SMC1B: variants seen among roughly 807,000 people sequenced by gnomAD.
SMC1B encodes the protein structural maintenance of chromosomes 1B, also known as structural maintenance of chromosomes protein 1B.
In SMC1B, 60 loss-of-function variants were observed where a neutral mutation model predicts 157.9. The ratio of observed to expected loss-of-function variants is 0.38; its 90% CI spans 0.31 to 0.47. SMC1B has a LOEUF of 0.47. SMC1B is among the 20% of genes least tolerant of loss of function. The pLI is 0.99. For missense variants in SMC1B, 1,165 were observed against 1,426.2 expected, an observed-to-expected ratio of 0.82 and a Z score of 2.95; for synonymous variants, 445 against 483.0, an observed-to-expected ratio of 0.92 and a Z score of 1.03.
chr22:45,347,305 G>T (rs1304917819), intron 23 of SMC1B, among the ~76,000 whole-genome samples: 2 of 152,208 alleles, frequency 1.3e-5, no homozygotes, highest in Non-Finnish European at 2.9e-5. Context: ...GGGGTATGGA[G>T]TTGATGTGAT....
chr22:45,379,723 C>CTT (rs136583), intron 12 of SMC1B, among the ~76,000 whole-genome samples: 32,536 of 91,290 alleles, frequency 0.36, 7,240 homozygotes, highest in African/African-American at 0.58. Context: ...TTTCTTTTTA[C>CTT]TTTTTTTTTT....
intron 12 of SMC1B, among the ~76,000 whole-genome samples, chr22:45,379,517 C>G (rs1602071796): frequency 6.6e-6 from 1 of 151,954 alleles, no homozygotes; most frequent in African/African-American, 2.4e-5. Context: ...ACTCTAGTCC[C>G]TCCTGTCCCC....
chr22:45,367,074 CT>C (rs2146787640), intron 15 of SMC1B, among the ~76,000 whole-genome samples: 2 of 152,226 alleles, frequency 1.3e-5, no homozygotes, highest in African/African-American at 4.8e-5. Flanking sequence ...ATTTTAAGTT[CT>C]TGATCAGAGA....
At chr22:45,384,769 T>G (rs1476034618) in intron 11 of SMC1B, among the ~76,000 whole-genome samples, 4 of 151,894 alleles carry the variant, frequency 2.6e-5, no homozygotes, top group Non-Finnish European at 4.4e-5. Flanking sequence ...TCTTAGAAAT[T>G]TTATGGTTTT....
Position 45,384,317 on chromosome 22 carries a change from A to G in SMC1B, c.1912-704T>C, listed in dbSNP as rs2086969035. ...TCCCCAGTTTGCCATTTTTCTTTTG[A>G]TTTTTCTTATGGTAGTCTTTGCCAT... On this transcript the variant is annotated intron_variant, in intron 11 of 24. Coordinates refer to ENST00000357450, the MANE Select transcript of SMC1B (RefSeq NM_148674.5). 1.3e-5 allele frequency among the ~76,000 whole-genome samples: 2 copies of G among 151,830 alleles called. 1 individual carries two copies. The highest frequency in any genetic ancestry group is 4.2e-4 in the South Asian group (2 of 4,814).
intron 4 of SMC1B, among the ~76,000 whole-genome samples, chr22:45,403,630 T>G (rs1220137417): frequency 6.6e-6 from 1 of 152,038 alleles, no homozygotes; most frequent in Admixed American, 6.6e-5. Context: ...AGTTTTTTAT[T>G]TTTATTTTTG....
At chr22:45,380,865 A>C (rs1158732320) in intron 12 of SMC1B, among the ~76,000 whole-genome samples, 1 of 152,156 alleles carries the variant, frequency 6.6e-6, no homozygotes, top group Non-Finnish European at 1.5e-5. Flanking sequence ...GTTCAAGGTT[A>C]CACTGAGCTA....
rs563140076 is a variant in SMC1B, at chr22:45,351,617, C to T, written c.3425+834G>A. Among the ~76,000 whole-genome samples the T allele has an allele frequency of 1.4e-4, 21 of 152,294 alleles. No individual in the cohort carries two copies. In the South Asian group the frequency reaches 3.5e-3, roughly 26 times the overall value. On this transcript the variant is annotated intron_variant, in intron 22 of 24. Transcript: ENST00000357450. ...AGGCTAGCGTGCAGTGGTGTCATCA[C>T]GGTTTATTGCAGCCTCGAACTCCTG...
At chr22:45,393,499 A>G in intron 9 of SMC1B, 135 bp downstream of exon 9, 1 of 688,298 alleles carries the variant, frequency 1.5e-6, no homozygotes, top group Non-Finnish European at 2.4e-6. Context: ...AGTCAAACAC[A>G]AAACTTAAAG....
At chr22:45,392,322 T>G (rs934097347) in intron 9 of SMC1B, among the ~76,000 whole-genome samples, 4 of 152,146 alleles carry the variant, frequency 2.6e-5, no homozygotes, top group African/African-American at 9.7e-5. Context: ...CAAGGAATAC[T>G]AGGTGAGAAT....
intron 15 of SMC1B, among the ~76,000 whole-genome samples, chr22:45,364,579 C>G (rs747843420): frequency 1.3e-5 from 2 of 152,170 alleles, no homozygotes; most frequent in African/African-American, 2.4e-5. Context: ...CCAGGGATGA[C>G]ACACTCAGAC....
chr22:45,349,015 A>ATT (rs1183927337), intron 23 of SMC1B, among the ~76,000 whole-genome samples: 1,030 of 99,658 alleles, frequency 0.01, 15 homozygotes, highest in Non-Finnish European at 0.013. Flanking sequence ...ACAAGGACTG[A>ATT]TTTTTTTTTT....
chr22:45,389,561 A>G, intron 10 of SMC1B, 151 bp downstream of exon 10: 4 of 625,554 alleles, frequency 6.4e-6, no homozygotes, highest in Non-Finnish European at 1.1e-5. Context: ...TTGCTTGCCA[A>G]TATATTTAAC....
rs1419727857 is a variant in SMC1B, at chr22:45,393,663, G to A, written c.1516C>T (p.His506Tyr). Reference sequence around the variant, plus strand: ...GAATCTGGGTACAGTCTTTTAAGGTGTTCCAGAACCTCTGCTCTCTTTTGC... The same window carrying A: ...GAATCTGGGTACAGTCTTTTAAGGTATTCCAGAACCTCTGCTCTCTTTTGC... ...RQQKRAEVLEHLKRLYPDSVF... is the reference protein window; with the variant it reads ...RQQKRAEVLEYLKRLYPDSVF... The change falls in exon 9 of 25, where the codon CAC (histidine) becomes TAC (tyrosine). Residue 506 changes from histidine (H) to tyrosine (Y), a missense_variant. His to Tyr is a moderately conservative substitution (Grantham distance 83, BLOSUM62 2). Transcript: ENST00000357450. 3 of 1,613,924 alleles carry A rather than the reference G, an allele frequency of 1.9e-6. No individual in the cohort carries two copies. The highest frequency in any genetic ancestry group is 2.2e-5 in the South Asian group (2 of 91,056).
chr22:45,391,721 C>T (rs1454642932), intron 9 of SMC1B, among the ~76,000 whole-genome samples: 1 of 152,158 alleles, frequency 6.6e-6, no homozygotes, highest in Non-Finnish European at 1.5e-5. Context: ...CAAGTGAGAA[C>T]TCACCTAAGA....
chr22:45,380,960 CTTTT>C (rs530026478), intron 12 of SMC1B, among the ~76,000 whole-genome samples: 5 of 136,942 alleles, frequency 3.7e-5, no homozygotes, highest in African/African-American at 5.4e-5. Context: ...AAAAGAAGTA[CTTTT>C]TTTTTTTTTT....
At chr22:45,396,830 T>C (rs2087130376) in intron 6 of SMC1B, among the ~76,000 whole-genome samples, 2 of 152,228 alleles carry the variant, frequency 1.3e-5, no homozygotes, top group South Asian at 4.1e-4. Context: ...AATCATTTTT[T>C]CCTCTCATAA....
At chr22:45,372,375 A>C in intron 12 of SMC1B, 83 bp from the exon 13 acceptor site, 1 of 1,166,902 alleles carries the variant, frequency 8.6e-7, no homozygotes, top group East Asian at 2.5e-5. Context: ...GTAATAATTC[A>C]CTGATTTTTA....
intron 1 of SMC1B, among the ~76,000 whole-genome samples, chr22:45,410,379 C>T (rs1302079757): frequency 6.6e-6 from 1 of 152,134 alleles, no homozygotes; most frequent in Admixed American, 6.6e-5. Flanking sequence ...TTCTCCTTTT[C>T]ACATCCCTTC....
Sources: allele counts gnomAD v4.1 joint callset (sites outside exome capture counted in the v4.1 genomes callset), GRCh38; gene constraint gnomAD v4.1.1; transcripts MANE v1.5; gene names NCBI Gene and HGNC (gene_info 2026-07-23, HGNC 2026-07-21).